The following MTMR8 variants were observed in gnomAD, a reference collection of about 807,000 sequenced individuals.
MTMR8 encodes the protein phosphatidylinositol-3,5-bisphosphate 3-phosphatase MTMR8.
MTMR8 carries 65 observed loss-of-function variants against 39.3 expected under a neutral mutation model. The ratio of observed to expected loss-of-function variants is 1.65; its 90% CI spans 1.35 to 2.03. The LOEUF (loss-of-function observed/expected upper bound fraction) is 2.03, where lower values mean the gene tolerates loss of function less well. Ranked by LOEUF, MTMR8 falls within the 30% of genes most tolerant of loss-of-function variation. MTMR8 has a pLI of 0.00. For missense variants in MTMR8, 777 were observed against 538.9 expected (o/e 1.44, Z -4.37); for synonymous variants, 245 against 185.2 (o/e 1.32, Z -2.62).
At chrX:64,364,946 C>T (rs1006480831) in intron 1 of MTMR8, among the ~76,000 whole-genome samples, 3 of 111,376 alleles carry the variant, frequency 2.7e-5, no homozygotes, top group East Asian at 2.8e-4. Flanking sequence ...AACCATGGCA[C>T]GAGAACTTCA....
chrX:64,314,150 A>G (rs1015468271), intron 12 of MTMR8, among the ~76,000 whole-genome samples: 3 of 112,571 alleles, frequency 2.7e-5, no homozygotes, highest in African/African-American at 9.7e-5. Context: ...CTGCTGTGCT[A>G]GAAGGGCCGA....
Position 64,268,786 on chromosome X carries a change from T to A in MTMR8, c.1866A>T (p.Ile622=), listed in dbSNP as rs757392178. The change falls in exon 14 of 14, where the codon ATA becomes ATT. Residue 622 remains isoleucine, a synonymous_variant. Transcript: ENST00000374852. ...CCEIVGSLRA[I]NISGDVGISE... ...AGATGCCCACATCCCCAGAGATATTTATGGCCCTAAGGCTGCCCACAATCT... is the reference window on the plus strand; with the variant it reads ...AGATGCCCACATCCCCAGAGATATTAATGGCCCTAAGGCTGCCCACAATCT... The A allele has an allele frequency of 1.7e-6, 2 of 1,211,711 alleles. No homozygotes were observed. The highest frequency in any genetic ancestry group is 2.3e-4 in the Middle Eastern group (1 of 4,356).
At chrX:64,299,791 G>C (rs1400363553) in intron 12 of MTMR8, among the ~76,000 whole-genome samples, 1 of 100,293 alleles carries the variant, frequency 1.0e-5, no homozygotes, top group East Asian at 3.1e-4. Flanking sequence ...CTTTGTTCTC[G>C]TTGGTTTCAA....
intron 6 of MTMR8, 101 bp from the exon 7 acceptor site, chrX:64,345,278 CA>C: frequency 1.2e-6 from 1 of 868,711 alleles, no homozygotes; most frequent in Non-Finnish European, 1.6e-6. Flanking sequence ...AAATCCTACC[CA>C]ATTAAAAAGA....
intron 12 of MTMR8, among the ~76,000 whole-genome samples, chrX:64,328,109 A>G (rs1384371656): frequency 1.8e-5 from 2 of 112,199 alleles, no homozygotes; most frequent in East Asian, 2.8e-4. Flanking sequence ...TCAATACTCA[A>G]TAGTGAAAGA....
chrX:64,362,653 G>A (rs1379714474), intron 1 of MTMR8, among the ~76,000 whole-genome samples: 1 of 109,697 alleles, frequency 9.1e-6, no homozygotes, highest in Non-Finnish European at 1.9e-5. Context: ...AGTACATGCA[G>A]TAAGCTAAGG....
At chrX:64,325,725 A>G (rs901637016) in intron 12 of MTMR8, among the ~76,000 whole-genome samples, 1 of 112,351 alleles carries the variant, frequency 8.9e-6, no homozygotes, top group Non-Finnish European at 1.9e-5. Flanking sequence ...TAAGATAGGG[A>G]ACAAGACAAC....
intron 12 of MTMR8, among the ~76,000 whole-genome samples, chrX:64,309,639 A>T (rs2147208848): frequency 9.0e-6 from 1 of 111,566 alleles, no homozygotes; most frequent in Admixed American, 9.6e-5. Context: ...TAAGATTTTG[A>T]AGTCACAAAT....
rs760104777 is a variant in MTMR8 at position 64,268,523 on chromosome X, G to A, written c.*14C>T. 5.0e-5 allele frequency: 59 copies of A among 1,189,865 alleles called. No homozygotes were observed. The highest frequency in any genetic ancestry group is 5.5e-5 in the Non-Finnish European group (49 of 886,115). On this transcript the variant is annotated 3_prime_UTR_variant, in exon 14 of 14. Coordinates refer to ENST00000374852, the MANE Select transcript of MTMR8 (RefSeq NM_017677.4). The stretch of plus-strand genomic sequence containing the variant: ...TGCTGTAGGTATACCTAGCATGGAA[G>A]ATGAGTAACTAACTCACTGATGCTT...
chrX:64,343,631 C>A lies in MTMR8; in HGVS notation c.955G>T (p.Ala319Ser), dbSNP rs1923271517. The A allele has an allele frequency of 8.4e-7, 1 of 1,196,536 alleles. No individual in the cohort carries two copies. The highest frequency in any genetic ancestry group is 1.8e-5 in the African/African-American group (1 of 57,055). ...ATTACCTTTGTAATGAAAATTCCAG[C>A]ATCCATAATAGCTTTAATGTGTCTT... ...WLRHIKAIMD[A>S]GIFITKAVKV... The change falls in exon 8 of 14, where the codon GCT (alanine) becomes TCT (serine). Residue 319 changes from alanine (A) to serine (S), a missense_variant. Physicochemically the swap from Ala to Ser is moderately conservative, Grantham distance 99. Coordinates refer to ENST00000374852, the MANE Select transcript of MTMR8 (RefSeq NM_017677.4).
intron 1 of MTMR8, among the ~76,000 whole-genome samples, chrX:64,385,809 C>G (rs1350700733): frequency 9.0e-6 from 1 of 111,446 alleles, no homozygotes; most frequent in East Asian, 2.8e-4. Context: ...AATTACCTCT[C>G]ACTAGGCCCC....
Position 64,268,476 on chromosome X carries a change from C to T in MTMR8, c.*61G>A. 2 of 1,148,444 alleles carry T rather than the reference C, an allele frequency of 1.7e-6. No individual in the cohort carries two copies. The highest frequency in any genetic ancestry group is 2.8e-5 in the Admixed American group (1 of 36,325). 94.6% of individuals were successfully genotyped at this position (1,148,444 alleles called of 1,213,427 possible). On this transcript the variant is annotated 3_prime_UTR_variant, in exon 14 of 14. Coordinates refer to ENST00000374852, the MANE Select transcript of MTMR8 (RefSeq NM_017677.4). ...AATTGGAAAAGCAGCATAGCCCTCT[C>T]TGGGACAAGAATCATTGTAGCTGCT...
chrX:64,291,071 A>G (rs1281308864), intron 12 of MTMR8, among the ~76,000 whole-genome samples: 2 of 111,501 alleles, frequency 1.8e-5, no homozygotes, highest in Non-Finnish European at 3.8e-5. Flanking sequence ...GCTCCATACT[A>G]TTTCATATTT....
chrX:64,270,299 C>T lies in MTMR8; in HGVS notation c.1608+648G>A, dbSNP rs767404756. 2.7e-5 allele frequency among the ~76,000 whole-genome samples: 3 copies of T among 112,060 alleles called. No homozygotes were observed. In the East Asian group the frequency reaches 8.5e-4, roughly 32 times the overall value. ...ACTTACAGGGAGCAGAAAAGCTATG[C>T]CTTATCTGGCTTAAAGTGGGTTCAC... On this transcript the variant is annotated intron_variant, in intron 13 of 13. Coordinates refer to ENST00000374852, the MANE Select transcript of MTMR8 (RefSeq NM_017677.4).
intron 1 of MTMR8, among the ~76,000 whole-genome samples, chrX:64,380,908 T>C (rs1924398011): frequency 8.9e-6 from 1 of 111,969 alleles, no homozygotes; most frequent in Non-Finnish European, 1.9e-5. Context: ...TCCATGACCC[T>C]ACAAAGGACA....
chrX:64,317,730 G>T (rs1228681969), intron 12 of MTMR8, among the ~76,000 whole-genome samples: 2 of 112,182 alleles, frequency 1.8e-5, no homozygotes, highest in Non-Finnish European at 3.8e-5. Context: ...TTTGTGAAGA[G>T]ACTCTGGATT....
chrX:64,356,094 G>A, intron 3 of MTMR8, 82 bp downstream of exon 3: 1 of 1,002,098 alleles, frequency 1.0e-6, no homozygotes, highest in South Asian at 2.1e-5. Context: ...ACCCTCCTCT[G>A]ACTCCATAGC....
intron 1 of MTMR8, among the ~76,000 whole-genome samples, chrX:64,385,114 C>G (rs756436414): frequency 8.9e-6 from 1 of 112,067 alleles, no homozygotes; most frequent in African/African-American, 3.2e-5. Context: ...ATGCCAGATA[C>G]ACTAAATCAT....
intron 1 of MTMR8, among the ~76,000 whole-genome samples, chrX:64,374,643 A>G (rs911327711): frequency 8.9e-6 from 1 of 111,747 alleles, no homozygotes; most frequent in African/African-American, 3.3e-5. Flanking sequence ...CTGAACACCT[A>G]TAGTAGGTTG....
Sources: gnomAD v4.1 joint callset for allele counts (sites outside exome capture counted in the v4.1 genomes callset) on GRCh38, gnomAD v4.1.1 for gene constraint, MANE v1.5 for transcripts, NCBI Gene and HGNC (gene_info 2026-07-23, HGNC 2026-07-21) for gene names.